DACH1: variants seen among roughly 807,000 people sequenced by gnomAD.
DACH1 encodes the protein dachshund homolog 1.
In DACH1, 12 loss-of-function variants were observed where a neutral mutation model predicts 54.2. The ratio of observed to expected loss-of-function variants is 0.22; its 90% CI spans 0.14 to 0.36. DACH1 has a LOEUF of 0.36. Ranked by LOEUF, DACH1 falls within the 10% of genes least tolerant of loss-of-function variation. DACH1 has a pLI of 1.00. For missense variants in DACH1, 805 were observed against 929.8 expected, an observed-to-expected ratio of 0.87 and a Z score of 1.75; for synonymous variants, 386 against 366.2, an observed-to-expected ratio of 1.05 and a Z score of -0.62.
intron 6 of DACH1, among the ~76,000 whole-genome samples, chr13:71,497,242 T>A (rs1483986457): frequency 2.0e-5 from 3 of 152,158 alleles, no homozygotes; most frequent in Non-Finnish European, 4.4e-5. Flanking sequence ...AATAATCCAA[T>A]CAATTATACA....
chr13:71,701,540 C>A (rs1215425031), intron 1 of DACH1, among the ~76,000 whole-genome samples: 1 of 151,522 alleles, frequency 6.6e-6, no homozygotes, highest in East Asian at 1.9e-4. Flanking sequence ...CCAGAAAAAT[C>A]AAATAAAAAA....
intron 10 of DACH1, among the ~76,000 whole-genome samples, chr13:71,469,122 C>T (rs901033968): frequency 6.6e-6 from 1 of 152,046 alleles, no homozygotes; most frequent in African/African-American, 2.4e-5. Flanking sequence ...ATGCCAGAAA[C>T]CCAGAAACCC....
chr13:71,517,993 T>G (rs1238640643), intron 6 of DACH1, among the ~76,000 whole-genome samples: 1 of 151,872 alleles, frequency 6.6e-6, no homozygotes, highest in Non-Finnish European at 1.5e-5. Context: ...GTATCCTCAT[T>G]GTAACACCAA....
At chr13:71,721,370 T>C (rs1314709212) in intron 1 of DACH1, among the ~76,000 whole-genome samples, 1 of 152,094 alleles carries the variant, frequency 6.6e-6, no homozygotes, top group Non-Finnish European at 1.5e-5. Context: ...CAATTATAAT[T>C]ATCACTAGGG....
chr13:71,627,685 T>C (rs1336135776), intron 3 of DACH1, among the ~76,000 whole-genome samples: 1 of 152,078 alleles, frequency 6.6e-6, no homozygotes, highest in Non-Finnish European at 1.5e-5. Context: ...CTTACCTACC[T>C]ATCTCATCCA....
chr13:71,647,647 T>C (rs1425155772), intron 2 of DACH1, among the ~76,000 whole-genome samples: 1 of 152,090 alleles, frequency 6.6e-6, no homozygotes, highest in South Asian at 2.1e-4. Flanking sequence ...ACAACTGGGA[T>C]AGAACATGGG....
intron 1 of DACH1, among the ~76,000 whole-genome samples, chr13:71,837,627 G>A (rs1888846286): frequency 6.6e-6 from 1 of 152,084 alleles, no homozygotes; most frequent in Admixed American, 6.5e-5. Flanking sequence ...AGGCAAAACA[G>A]ATAGGTGAGT....
chr13:71,445,732 A>T (rs1273980303), intron 10 of DACH1, among the ~76,000 whole-genome samples: 1 of 152,206 alleles, frequency 6.6e-6, no homozygotes, highest in Non-Finnish European at 1.5e-5. Flanking sequence ...AAAAGTCTGT[A>T]GGAACAAAAT....
intron 2 of DACH1, among the ~76,000 whole-genome samples, chr13:71,644,862 C>A (rs563583707): frequency 1.1e-4 from 16 of 152,246 alleles, no homozygotes; most frequent in African/African-American, 3.6e-4. Context: ...GCAATGAGTT[C>A]TTCTGGGGTC....
chr13:71,560,061 A>T, intron 4 of DACH1, 106 bp from the exon 5 acceptor site: 5 of 1,228,286 alleles, frequency 4.1e-6, no homozygotes, highest in Non-Finnish European at 4.4e-6. Context: ...TGTAAAGAGA[A>T]TAAACACTTT....
chr13:71,491,120 G>A (rs1003710873), intron 6 of DACH1, among the ~76,000 whole-genome samples: 3 of 152,110 alleles, frequency 2.0e-5, no homozygotes, highest in Non-Finnish European at 4.4e-5. Context: ...TGGCTGTTGT[G>A]TGGATTAAAT....
chr13:71,479,660 T>G (rs1305235333), intron 7 of DACH1, among the ~76,000 whole-genome samples: 3 of 151,992 alleles, frequency 2.0e-5, no homozygotes, highest in Non-Finnish European at 4.4e-5. Context: ...GAGAAGGAAA[T>G]TAGGCTGAAA....
At chr13:71,604,443 G>T (rs1238917141) in intron 3 of DACH1, among the ~76,000 whole-genome samples, 5 of 151,970 alleles carry the variant, frequency 3.3e-5, no homozygotes, top group African/African-American at 1.2e-4. Context: ...ACTCCAGATG[G>T]ACGACTGATT....
chr13:71,690,897 A>T (rs1487644052), intron 1 of DACH1, among the ~76,000 whole-genome samples: 2 of 152,178 alleles, frequency 1.3e-5, no homozygotes, highest in Non-Finnish European at 2.9e-5. Flanking sequence ...AAACCACTGC[A>T]CTCGAGCCTG....
At chr13:71,576,470 G>C (rs1028619812) in intron 3 of DACH1, among the ~76,000 whole-genome samples, 1 of 151,894 alleles carries the variant, frequency 6.6e-6, no homozygotes, top group African/African-American at 2.4e-5. Context: ...AGTCTTCATG[G>C]GCTCAGACTA....
intron 4 of DACH1, among the ~76,000 whole-genome samples, chr13:71,564,321 G>A (rs1404817409): frequency 5.9e-5 from 9 of 152,040 alleles, no homozygotes; most frequent in African/African-American, 1.9e-4. Flanking sequence ...GCAGGACAGA[G>A]AGAACGAATA....
intron 3 of DACH1, among the ~76,000 whole-genome samples, chr13:71,582,775 G>A (rs187451059): frequency 1.3e-5 from 2 of 152,212 alleles, no homozygotes; most frequent in East Asian, 3.9e-4. Flanking sequence ...CATTCTATTC[G>A]AAGCACTTTT....
In DACH1 at chr13:71,522,505, G is replaced by A. The variant is rs766178458; in HGVS notation, c.1571-33357C>T. On this transcript the variant is annotated intron_variant, in intron 6 of 10. Transcript: ENST00000613252. The stretch of plus-strand genomic sequence containing the variant: ...TTAAAAGTCAAGTTCCAAACCAAGC[G>A]CAGTGGTGAGCACCTGTAGTCCCTG... Among the ~76,000 whole-genome samples, 29 of 152,050 alleles carry A rather than the reference G, an allele frequency of 1.9e-4. No individual in the cohort carries two copies. In the Middle Eastern group the frequency reaches 0.014, roughly 71 times the overall value.
chr13:71,846,721 T>C (rs1258817922), intron 1 of DACH1, among the ~76,000 whole-genome samples: 1 of 152,200 alleles, frequency 6.6e-6, no homozygotes, highest in Admixed American at 6.5e-5. Context: ...ATGAGATTTC[T>C]TGGGTTCTAT....
Sources: allele counts gnomAD v4.1 joint callset (sites outside exome capture counted in the v4.1 genomes callset), GRCh38; gene constraint gnomAD v4.1.1; transcripts MANE v1.5; gene names NCBI Gene and HGNC (gene_info 2026-07-23, HGNC 2026-07-21).